The following POFUT3 variants were observed in gnomAD, a reference collection of about 807,000 sequenced individuals.
POFUT3 encodes the protein GDP-fucose protein O-fucosyltransferase 3.
At chr8:33,329,626 C>T in the POFUT3 span, among the ~76,000 whole-genome samples, 1 of 152,146 alleles carries the variant, frequency 6.6e-6, no homozygotes, top group Admixed American at 6.6e-5. Flanking sequence ...ATAAGCAATG[C>T]CACAGAGAAG....
chr8:33,318,801 A>T, the POFUT3 span, among the ~76,000 whole-genome samples: 2 of 46,878 alleles, frequency 4.3e-5, no homozygotes, highest in Admixed American at 3.4e-4. Context: ...ATATATATAT[A>T]TTTTATATAT....
the POFUT3 span, among the ~76,000 whole-genome samples, chr8:33,326,778 T>C: frequency 7.1e-6 from 1 of 140,370 alleles, no homozygotes; most frequent in East Asian, 2.4e-4. Flanking sequence ...CGTTTCCTTT[T>C]CGTTTGTCTG....
chr8:33,433,206 C>T, the POFUT3 span, among the ~76,000 whole-genome samples: 1 of 151,696 alleles, frequency 6.6e-6, no homozygotes, highest in African/African-American at 2.4e-5. Context: ...TGCACTTCAC[C>T]TTGGGCAACC....
the POFUT3 span, among the ~76,000 whole-genome samples, chr8:33,393,703 C>T: frequency 6.6e-6 from 1 of 152,138 alleles, no homozygotes; most frequent in Non-Finnish European, 1.5e-5. Flanking sequence ...AACGTCTGAC[C>T]AGCAAATAGG....
At chr8:33,397,775 A>T in the POFUT3 span, among the ~76,000 whole-genome samples, 1 of 152,110 alleles carries the variant, frequency 6.6e-6, no homozygotes, top group African/African-American at 2.4e-5. Context: ...ATTGATTGGG[A>T]CACGTTCCTC....
the POFUT3 span, among the ~76,000 whole-genome samples, chr8:33,472,893 A>T: frequency 8.7e-4 from 133 of 152,284 alleles, no homozygotes; most frequent in African/African-American, 3.1e-3. Context: ...TCCGTCTCTT[A>T]CACGCACCCC....
the POFUT3 span, among the ~76,000 whole-genome samples, chr8:33,357,353 T>A: frequency 6.6e-6 from 1 of 152,102 alleles, no homozygotes; most frequent in Non-Finnish European, 1.5e-5. Flanking sequence ...GGTTTTGATC[T>A]TCTTTTCTAA....
chr8:33,309,235 T>C, the POFUT3 span, among the ~76,000 whole-genome samples: 1 of 142,142 alleles, frequency 7.0e-6, no homozygotes, highest in Non-Finnish European at 1.5e-5. Context: ...CCCTTCCCAT[T>C]GCAAGTTGCT....
the POFUT3 span, among the ~76,000 whole-genome samples, chr8:33,314,120 T>C: frequency 6.6e-6 from 1 of 152,162 alleles, no homozygotes; most frequent in Non-Finnish European, 1.5e-5. Context: ...GCCTATTTTT[T>C]CCCTGCTAAT....
At chr8:33,337,823 G>A in the POFUT3 span, among the ~76,000 whole-genome samples, 2 of 152,170 alleles carry the variant, frequency 1.3e-5, no homozygotes, top group Non-Finnish European at 2.9e-5. Context: ...CTTAAACAAT[G>A]GAAAATTATG....
the POFUT3 span, among the ~76,000 whole-genome samples, chr8:33,414,469 C>G: frequency 6.6e-6 from 1 of 152,124 alleles, no homozygotes; most frequent in South Asian, 2.1e-4. Context: ...AACCATCTGG[C>G]CTTTCTTTGA....
chr8:33,324,557 G>A, the POFUT3 span, among the ~76,000 whole-genome samples: 1 of 152,046 alleles, frequency 6.6e-6, no homozygotes, highest in African/African-American at 2.4e-5. Context: ...AACCAAATTT[G>A]TTATCTAAAC....
chr8:33,407,987 CAAAAA>C, the POFUT3 span, among the ~76,000 whole-genome samples: 1 of 83,762 alleles, frequency 1.2e-5, no homozygotes, highest in Non-Finnish European at 2.5e-5. Context: ...GACTCCATCT[CAAAAA>C]AAAAAAAAAA....
chr8:33,395,671 G>C, the POFUT3 span, among the ~76,000 whole-genome samples: 1 of 152,112 alleles, frequency 6.6e-6, no homozygotes, highest in South Asian at 2.1e-4. Flanking sequence ...TCTCCACTGA[G>C]CTGTTTAACA....
chr8:33,437,039 G>A, the POFUT3 span, among the ~76,000 whole-genome samples: 9 of 152,090 alleles, frequency 5.9e-5, 1 homozygote, highest in East Asian at 5.8e-4. Context: ...ATTCTAATTC[G>A]CTTAGGATAA....
the POFUT3 span, among the ~76,000 whole-genome samples, chr8:33,320,171 T>G: frequency 2.2e-4 from 33 of 152,088 alleles, no homozygotes; most frequent in African/African-American, 7.9e-4. Context: ...TTGCTGATGA[T>G]TTGATTGATG....
the POFUT3 span, chr8:33,372,624 G>T: frequency 3.7e-3 from 5,904 of 1,613,934 alleles, 198 homozygotes; most frequent in African/African-American, 0.072. Context: ...GAAAAGTTTT[G>T]ATTCCTATCA....
At chr8:33,406,217 T>C in the POFUT3 span, among the ~76,000 whole-genome samples, 2 of 151,972 alleles carry the variant, frequency 1.3e-5, no homozygotes, top group Non-Finnish European at 2.9e-5. Context: ...ATGAAGTCAA[T>C]AGATATATTC....
the POFUT3 span, among the ~76,000 whole-genome samples, chr8:33,310,240 G>A: frequency 6.6e-6 from 1 of 151,316 alleles, no homozygotes; most frequent in Non-Finnish European, 1.5e-5. Context: ...TAAATTGAAG[G>A]TAACTCAGAA....
Sources: allele counts gnomAD v4.1 joint callset (sites outside exome capture counted in the v4.1 genomes callset), GRCh38; gene constraint gnomAD v4.1.1; transcripts MANE v1.5; gene names NCBI Gene and HGNC (gene_info 2026-07-23, HGNC 2026-07-21).